CARF: variants seen among roughly 807,000 people sequenced by gnomAD.
The protein encoded by CARF is calcium responsive transcription factor.
CARF carries 57 observed loss-of-function variants against 82.0 expected under a neutral mutation model. The observed-to-expected ratio is 0.70, with a 90% CI of 0.56 to 0.87. CARF has a LOEUF of 0.87. Among genes scored for constraint, CARF ranks in the 40% least tolerant of loss-of-function variants. CARF has a pLI of 0.00. For missense variants in CARF, 771 were observed against 855.8 expected (o/e 0.90, Z 1.24); for synonymous variants, 268 against 290.1 (o/e 0.92, Z 0.77).
intron 10 of CARF, among the ~76,000 whole-genome samples, chr2:202,969,653 G>A (rs1434849197): frequency 6.6e-6 from 1 of 151,892 alleles, no homozygotes; most frequent in African/African-American, 2.4e-5. Context: ...ATGCCTTCCA[G>A]GAGAATGAAG....
At chr2:202,967,655 C>T (rs1186260847) in intron 10 of CARF, among the ~76,000 whole-genome samples, 1 of 151,980 alleles carries the variant, frequency 6.6e-6, no homozygotes, top group Non-Finnish European at 1.5e-5. Flanking sequence ...GAAAGGTATT[C>T]CTTATTAGTA....
intron 5 of CARF, among the ~76,000 whole-genome samples, chr2:202,951,639 T>C (rs1038673366): frequency 1.3e-5 from 2 of 152,146 alleles, no homozygotes; most frequent in African/African-American, 2.4e-5. Flanking sequence ...TATGTCTTTT[T>C]AGTTGATATT....
chr2:202,946,012 G>C (rs2058478840), intron 5 of CARF, among the ~76,000 whole-genome samples: 3 of 152,094 alleles, frequency 2.0e-5, no homozygotes. Context: ...ATTCTGACTG[G>C]TGTGAGATAG....
rs765112075 is a variant in CARF, at chr2:202,971,742, C to G, written c.1331+4C>G. On this transcript the variant is annotated splice_donor_region_variant and intron_variant, in intron 12 of 16. Transcript: ENST00000438828. ...ATGCAGTAAGGAAACAGCTAAGGTACAATAGAAGAGCATTGTTCTTTTACA... is the reference window on the plus strand; with the variant it reads ...ATGCAGTAAGGAAACAGCTAAGGTAGAATAGAAGAGCATTGTTCTTTTACA... The G allele has an allele frequency of 6.3e-7, 1 of 1,585,816 alleles. No homozygotes were observed. The highest frequency in any genetic ancestry group is 1.3e-5 in the African/African-American group (1 of 74,294).
intron 12 of CARF, among the ~76,000 whole-genome samples, 159 bp downstream of exon 12, chr2:202,971,897 T>A (rs949136248): frequency 1.3e-5 from 2 of 152,196 alleles, no homozygotes; most frequent in Non-Finnish European, 2.9e-5. Flanking sequence ...TATAAACTGA[T>A]CATTTTCTAA....
At chr2:202,939,869 T>C (rs995963596) in intron 3 of CARF, among the ~76,000 whole-genome samples, 1 of 151,868 alleles carries the variant, frequency 6.6e-6, no homozygotes, top group African/African-American at 2.4e-5. Context: ...TTAAATTTTT[T>C]TGTAGAGACA....
At position 202,988,092 on chromosome 2, in the gene CARF, A is replaced by G. The variant is rs2060495917; in HGVS notation, c.*4468A>G. Among the ~76,000 whole-genome samples, 1 of 152,218 alleles carries G rather than the reference A, an allele frequency of 6.6e-6. No homozygotes were observed. Among genetic ancestry groups the G allele is most frequent in the Admixed American group, 6.5e-5 (1 of 15,276 alleles). ...TTTTTTGGTCTAGCTTTTGTCACTT[A>G]GCATAGTAATTTTGTGATTTGTCTA... On this transcript the variant is annotated 3_prime_UTR_variant, in exon 17 of 17. Transcript: ENST00000438828.
chr2:202,925,436 A>G (rs1235513004), intron 3 of CARF: 2 of 298,308 alleles, frequency 6.7e-6, no homozygotes, highest in Admixed American at 3.7e-5. Flanking sequence ...CGTGCCCAGT[A>G]TGAGGAGATC....
chr2:202,971,829 A>G, intron 12 of CARF, 91 bp downstream of exon 12: 1 of 795,448 alleles, frequency 1.3e-6, no homozygotes, highest in Non-Finnish European at 2.1e-6. Context: ...TTTCCAAAAT[A>G]TATGCTATCA....
At chr2:202,945,473 T>C (rs902717890) in intron 5 of CARF, among the ~76,000 whole-genome samples, 4 of 149,846 alleles carry the variant, frequency 2.7e-5, no homozygotes, top group Non-Finnish European at 5.9e-5. Context: ...CACCCTCCAC[T>C]CTCAAGTAGA....
In CARF at chr2:202,984,756, G is replaced by T. The variant is rs1039963805; in HGVS notation, c.*1132G>T. ...AGTATATTGATTATAAGCATCTGTT[G>T]TCTAAAGATTGGTACTAGGCTGGAC... On this transcript the variant is annotated 3_prime_UTR_variant, in exon 17 of 17. Coordinates refer to ENST00000438828, the MANE Select transcript of CARF (RefSeq NM_024744.17). The T allele has an allele frequency of 6.6e-6, 1 of 152,008 alleles. No individual in the cohort carries two copies. The highest frequency in any genetic ancestry group is 2.4e-5 in the African/African-American group (1 of 41,382). The allele number at this position is 152,008 out of a possible 1,614,324, so 9.4% of individuals were successfully genotyped here.
chr2:202,947,175 A>C (rs1372289575), intron 5 of CARF, among the ~76,000 whole-genome samples: 5 of 152,222 alleles, frequency 3.3e-5, no homozygotes, highest in Non-Finnish European at 7.3e-5. Flanking sequence ...ACACATGGAC[A>C]TGTATGTTTA....
At chr2:202,956,078 A>AT (rs889746102) in intron 8 of CARF, among the ~76,000 whole-genome samples, 2,752 of 134,520 alleles carry the variant, frequency 0.02, 34 homozygotes, top group Middle Eastern at 0.056. Flanking sequence ...GCTTGCACTT[A>AT]TTTTTTTTTT....
chr2:202,943,022 C>T (rs533813274), intron 5 of CARF, 55 bp downstream of exon 5: 166 of 1,319,110 alleles, frequency 1.3e-4, no homozygotes, highest in Non-Finnish European at 1.7e-4. Context: ...ATGTATTAGT[C>T]TTACTAAATG....
At chr2:202,979,025 G>C (rs941651351) in intron 14 of CARF, among the ~76,000 whole-genome samples, 5 of 152,192 alleles carry the variant, frequency 3.3e-5, no homozygotes, top group Non-Finnish European at 5.9e-5. Context: ...GGGAGGCCAA[G>C]GTAGGTGGAT....
intron 3 of CARF, chr2:202,925,338 G>C: frequency 3.1e-6 from 1 of 320,130 alleles, no homozygotes; most frequent in Non-Finnish European, 6.2e-6. Flanking sequence ...AGATCTGTGA[G>C]CTGTAGTCCC....
At chr2:202,916,552 C>T (rs1461439106) in intron 1 of CARF, among the ~76,000 whole-genome samples, 1 of 152,142 alleles carries the variant, frequency 6.6e-6, no homozygotes, top group African/African-American at 2.4e-5. Context: ...TCTTTTACAT[C>T]TTAGGACATT....
In CARF at chr2:202,942,000, C is replaced by A; in HGVS notation, c.78+20C>A. 6 of 1,597,146 alleles carry A rather than the reference C, an allele frequency of 3.8e-6. No individual in the cohort carries two copies. The highest frequency in any genetic ancestry group is 5.1e-6 in the Non-Finnish European group (6 of 1,165,102). Reference sequence around the variant, plus strand: ...TTTGAGGTATGGATTCAGCTGGGAACCTTTTTCCATCCTAGGGTAAAACAG... The same window carrying A: ...TTTGAGGTATGGATTCAGCTGGGAAACTTTTTCCATCCTAGGGTAAAACAG... On this transcript the variant is annotated intron_variant, in intron 4 of 16. Coordinates refer to ENST00000438828, the MANE Select transcript of CARF (RefSeq NM_024744.17).
intron 10 of CARF, among the ~76,000 whole-genome samples, chr2:202,969,711 G>A (rs1457319183): frequency 6.6e-6 from 1 of 152,100 alleles, no homozygotes; most frequent in African/African-American, 2.4e-5. Flanking sequence ...TAAGTACTTA[G>A]ATATTTTTAA....
Sources: allele counts gnomAD v4.1 joint callset (sites outside exome capture counted in the v4.1 genomes callset), GRCh38; gene constraint gnomAD v4.1.1; transcripts MANE v1.5; gene names NCBI Gene and HGNC (gene_info 2026-07-23, HGNC 2026-07-21).